The following DCBLD2 variants were observed in gnomAD, a reference collection of about 807,000 sequenced individuals.
The protein encoded by DCBLD2 is discoidin, CUB and LCCL domain containing 2, also known as discoidin, CUB and LCCL domain-containing protein 2.
Under a neutral mutation model 86.8 loss-of-function variants are expected in DCBLD2, and 54 were observed. The observed-to-expected ratio is 0.62, with a 90% CI of 0.50 to 0.78. The LOEUF (loss-of-function observed/expected upper bound fraction) is 0.78. Among genes scored for constraint, DCBLD2 ranks in the 30% least tolerant of loss-of-function variants. The pLI, the probability that DCBLD2 is intolerant of heterozygous loss-of-function variation, is 0.00. For missense variants in DCBLD2, 908 were observed against 954.2 expected, an observed-to-expected ratio of 0.95 and a Z score of 0.64; for synonymous variants, 354 against 341.3, an observed-to-expected ratio of 1.04 and a Z score of -0.41.
At chr3:98,862,282 C>A (rs757138134) in intron 2 of DCBLD2, among the ~76,000 whole-genome samples, 1 of 152,132 alleles carries the variant, frequency 6.6e-6, no homozygotes, top group African/African-American at 2.4e-5. Flanking sequence ...CCAAATTCTA[C>A]CAGAGGTACA....
chr3:98,812,269 C>T (rs1941952457), intron 10 of DCBLD2, 63 bp downstream of exon 10: 5 of 1,592,392 alleles, frequency 3.1e-6, no homozygotes, highest in Non-Finnish European at 4.3e-6. Context: ...TCTCTGAGAA[C>T]AGCAAAACCA....
intron 1 of DCBLD2, among the ~76,000 whole-genome samples, chr3:98,891,228 G>A (rs1943656413): frequency 6.6e-6 from 1 of 151,590 alleles, no homozygotes; most frequent in African/African-American, 2.4e-5. Flanking sequence ...GAGAGAGAGA[G>A]AGAGAAAGAA....
chr3:98,896,796 T>C (rs972187594), intron 1 of DCBLD2, among the ~76,000 whole-genome samples: 8 of 152,184 alleles, frequency 5.3e-5, no homozygotes, highest in Non-Finnish European at 1.0e-4. Context: ...ATTGTCTCAC[T>C]TCATATTTCA....
chr3:98,831,971 T>C (rs1252346207), intron 3 of DCBLD2, among the ~76,000 whole-genome samples: 14 of 152,148 alleles, frequency 9.2e-5, no homozygotes, highest in Non-Finnish European at 1.0e-4. Context: ...TGGTCCAGTG[T>C]TGAGTTTAGG....
rs567096094 is a variant in DCBLD2 at position 98,845,565 on chromosome 3, T to C, written c.571+3896A>G. 2.6e-5 allele frequency among the ~76,000 whole-genome samples: 4 copies of C among 152,344 alleles called. No individual in the cohort carries two copies. The East Asian group carries it at 7.7e-4, about 29-fold the overall frequency. Reference sequence around the variant, plus strand: ...GCCTCTCTACATTTATTCTTACTTTTATTTGACCCGCTCTTCACAGAGCAG... The same window carrying C: ...GCCTCTCTACATTTATTCTTACTTTCATTTGACCCGCTCTTCACAGAGCAG... On this transcript the variant is annotated intron_variant, in intron 3 of 15. Transcript: ENST00000326840.
chr3:98,830,682 C>T (rs1942304410), intron 3 of DCBLD2, among the ~76,000 whole-genome samples: 3 of 152,134 alleles, frequency 2.0e-5, no homozygotes, highest in Admixed American at 2.0e-4. Context: ...ACTCCTGCAG[C>T]TTTTTTCTTT....
At chr3:98,824,840 A>G (rs924478981) in intron 4 of DCBLD2, among the ~76,000 whole-genome samples, 2 of 152,168 alleles carry the variant, frequency 1.3e-5, no homozygotes, top group Admixed American at 6.5e-5. Flanking sequence ...ACAACTTGGC[A>G]GCAGTGTGAA....
At chr3:98,839,237 CTCAT>C (rs1314513067) in intron 3 of DCBLD2, among the ~76,000 whole-genome samples, 4 of 147,082 alleles carry the variant, frequency 2.7e-5, no homozygotes, top group East Asian at 2.0e-4. Flanking sequence ...CTCTCTCTCT[CTCAT>C]TCTTTCTTTC....
intron 3 of DCBLD2, among the ~76,000 whole-genome samples, chr3:98,844,259 C>A (rs1225305380): frequency 1.3e-5 from 2 of 151,924 alleles, no homozygotes; most frequent in Non-Finnish European, 2.9e-5. Flanking sequence ...AAATTTAGAT[C>A]ATCTATAAAA....
In DCBLD2 at chr3:98,797,119, G is replaced by C. The variant is rs1941620693; in HGVS notation, c.*2253C>G. The C allele has an allele frequency of 1.3e-5, 2 of 150,124 alleles. No homozygotes were observed. Among genetic ancestry groups the C allele is most frequent in the South Asian group, 4.2e-4 (2 of 4,768 alleles). 9.3% of individuals were successfully genotyped at this position (150,124 alleles called of 1,614,324 possible). A position where few individuals can be genotyped will look rare whatever the true frequency, so the allele number is the denominator to read the frequency against. ...GAAGTATAAAGCAGAAAAACCATTTGAATCAGGCTCAGCTCTTCATCTGGA... is the reference window on the plus strand; with the variant it reads ...GAAGTATAAAGCAGAAAAACCATTTCAATCAGGCTCAGCTCTTCATCTGGA... On this transcript the variant is annotated 3_prime_UTR_variant, in exon 16 of 16. Coordinates refer to ENST00000326840, the MANE Select transcript of DCBLD2 (RefSeq NM_080927.4).
chr3:98,888,673 T>C (rs1040050924), intron 1 of DCBLD2, among the ~76,000 whole-genome samples: 1 of 152,040 alleles, frequency 6.6e-6, no homozygotes, highest in Non-Finnish European at 1.5e-5. Flanking sequence ...ATTGACCCAG[T>C]ACACTTGGCT....
At chr3:98,855,430 A>T (rs1048823545) in intron 2 of DCBLD2, among the ~76,000 whole-genome samples, 8 of 152,212 alleles carry the variant, frequency 5.3e-5, no homozygotes, top group Non-Finnish European at 1.0e-4. Flanking sequence ...GAACATATGC[A>T]ACCCAGTGAC....
intron 2 of DCBLD2, among the ~76,000 whole-genome samples, chr3:98,855,360 A>T (rs1407336550): frequency 6.6e-6 from 1 of 152,184 alleles, no homozygotes; most frequent in African/African-American, 2.4e-5. Flanking sequence ...ACTCTTATAC[A>T]CTGGTGGTGG....
chr3:98,830,673 C>G (rs540004606), intron 3 of DCBLD2, among the ~76,000 whole-genome samples: 2 of 152,144 alleles, frequency 1.3e-5, no homozygotes, highest in Admixed American at 6.6e-5. Context: ...GGTAATATGA[C>G]TCCTGCAGCT....
Position 98,839,183 on chromosome 3 carries a change from C to T in DCBLD2, c.571+10278G>A, listed in dbSNP as rs12493015. Among the ~76,000 whole-genome samples the T allele has an allele frequency of 6.3e-3, 325 of 51,894 alleles. 2 individuals are homozygous for T. Among genetic ancestry groups the T allele is most frequent in the African/African-American group, 0.027 (263 of 9,856 alleles). 34.0% of individuals were successfully genotyped at this position (51,894 alleles called of 152,430 possible). On this transcript the variant is annotated intron_variant, in intron 3 of 15. Transcript: ENST00000326840. ...TCTTTCTTTCTTTCCTTTCTTTCTT[C>T]CTTCCTTCCTTCCTTCCTTCCTTCT...
At position 98,870,810 on chromosome 3, in the gene DCBLD2, A is replaced by AAAGGAAGG. The variant is rs1553731734; in HGVS notation, c.433+10729_433+10730insCCTTCCTT. On this transcript the variant is annotated intron_variant, in intron 2 of 15. Coordinates refer to ENST00000326840, the MANE Select transcript of DCBLD2 (RefSeq NM_080927.4). ...GAAAGAAAGAAAGAAAGAAAGAAAG[A>AAAGGAAGG]AAGGTAGGCAGGCATTGGTGGTATT... Among the ~76,000 whole-genome samples the AAAGGAAGG allele has an allele frequency of 1.3e-3, 167 of 131,686 alleles. 1 individual carries two copies. Among genetic ancestry groups the AAAGGAAGG allele is most frequent in the East Asian group, 4.0e-3 (19 of 4,724 alleles). 86.4% of individuals were successfully genotyped at this position (131,686 alleles called of 152,430 possible).
Position 98,864,892 on chromosome 3 carries a change from G to A in DCBLD2, c.434-15294C>T, listed in dbSNP as rs1452936313. ...ATGTTCTGCACCGTTAAACACCAAG[G>A]AAATGAAAATAAAACCACAATGAGA... is the stretch of plus-strand genomic sequence containing the variant. On this transcript the variant is annotated intron_variant, in intron 2 of 15. Coordinates refer to ENST00000326840, the MANE Select transcript of DCBLD2 (RefSeq NM_080927.4). 1.8e-4 allele frequency among the ~76,000 whole-genome samples: 28 copies of A among 151,632 alleles called. 1 individual carries two copies. Among genetic ancestry groups the A allele is most frequent in the Non-Finnish European group, 4.4e-5 (3 of 67,802 alleles).
Position 98,822,322 on chromosome 3 carries a change from C to A in DCBLD2, c.736G>T (p.Val246Leu). 6.2e-7 allele frequency: 1 copy of A among 1,613,984 alleles called. No individual in the cohort carries two copies. The highest frequency in any genetic ancestry group is 8.5e-7 in the Non-Finnish European group (1 of 1,179,880). ...ATTTGGCCGCCCAACGTGTTTGACA[C>A]TACTCCTGCATGCACACCAGCCATG... ...LCMAGVHAGV[V>L]SNTLGGQISV... The change falls in exon 6 of 16, where the codon GTG becomes TTG. Residue 246 changes from valine to leucine, a missense_variant. By Grantham distance (32) the Val-to-Leu change is conservative (BLOSUM62 1). Transcript: ENST00000326840.
chr3:98,844,389 T>C (rs1942682156), intron 3 of DCBLD2, among the ~76,000 whole-genome samples: 1 of 146,312 alleles, frequency 6.8e-6, no homozygotes, highest in South Asian at 2.2e-4. Context: ...TAGAGTTTCA[T>C]TCTTGTTGCC....
Sources: allele counts gnomAD v4.1 joint callset (sites outside exome capture counted in the v4.1 genomes callset), GRCh38; gene constraint gnomAD v4.1.1; transcripts MANE v1.5; gene names NCBI Gene and HGNC (gene_info 2026-07-23, HGNC 2026-07-21).